Variants in LTA4H observed in about 807,000 individuals in gnomAD.
The protein encoded by LTA4H is leukotriene A4 hydrolase.
In LTA4H, 59 loss-of-function variants were observed where a neutral mutation model predicts 89.8. The observed-to-expected ratio is 0.66, with a 90% confidence interval of 0.53 to 0.82. The LOEUF (loss-of-function observed/expected upper bound fraction) is 0.82, where lower values mean the gene tolerates loss of function less well. Among genes scored for constraint, LTA4H ranks in the 40% least tolerant of loss-of-function variants. LTA4H has a pLI of 0.00. For missense variants in LTA4H, 617 were observed against 727.0 expected (o/e 0.85, Z 1.74); for synonymous variants, 227 against 253.1 (o/e 0.90, Z 0.98).
At chr12:96,001,472 T>C (rs1257285634) in intron 18 of LTA4H, among the ~76,000 whole-genome samples, 1 of 152,132 alleles carries the variant, frequency 6.6e-6, no homozygotes, top group African/African-American at 2.4e-5. Context: ...CCAAGCAGCA[T>C]GGAAGGATTT....
In LTA4H at chr12:96,018,847, C is replaced by G; in HGVS notation, c.768G>C (p.Gln256His). 6.2e-7 allele frequency: 1 copy of G among 1,604,704 alleles called. No individual in the cohort carries two copies. Among genetic ancestry groups the G allele is most frequent in the Non-Finnish European group, 8.5e-7 (1 of 1,177,348 alleles). The change falls in exon 8 of 19, where the codon CAG (glutamine) becomes CAC (histidine). Residue 256 changes from glutamine to histidine, a missense_variant. Coordinates refer to ENST00000228740, the MANE Select transcript of LTA4H (RefSeq NM_000895.3). Reference sequence around the variant, plus strand: ...ATGGTGGCAGGACCAATAGGTCATACTGTCCCCATACATACGGTCCTCCCA... The same window carrying G: ...ATGGTGGCAGGACCAATAGGTCATAGTGTCCCCATACATACGGTCCTCCCA... ...EDLGGPYVWG[Q>H]YDLLVLPPSF...
At chr12:96,019,342 G>T in intron 6 of LTA4H, 102 bp from the exon 7 acceptor site, 1 of 958,366 alleles carries the variant, frequency 1.0e-6, no homozygotes, top group Non-Finnish European at 1.6e-6. Context: ...TACAGTGAGA[G>T]TGCATTTACC....
At chr12:96,038,041 A>G (rs1414991120), upstream of LTA4H, among the ~76,000 whole-genome samples, 1 of 152,166 alleles carries the variant, frequency 6.6e-6, no homozygotes, top group Non-Finnish European at 1.5e-5. Context: ...AAACTTTAAC[A>G]TGTTTAGATA....
chr12:96,033,516 G>A (rs1378969242), intron 1 of LTA4H, among the ~76,000 whole-genome samples: 5 of 152,160 alleles, frequency 3.3e-5, no homozygotes, highest in African/African-American at 4.8e-5. Flanking sequence ...AATGTAGGAC[G>A]TATAAACTCA....
chr12:96,035,858 G>T (rs1289365619), upstream of LTA4H, among the ~76,000 whole-genome samples: 3 of 152,106 alleles, frequency 2.0e-5, no homozygotes, highest in Non-Finnish European at 4.4e-5. Flanking sequence ...GAGAATGGAG[G>T]GGGAGATAAA....
At chr12:96,035,953 C>T (rs1950637951), upstream of LTA4H, among the ~76,000 whole-genome samples, 1 of 152,090 alleles carries the variant, frequency 6.6e-6, no homozygotes, top group South Asian at 2.1e-4. Flanking sequence ...TTGGTGTTTG[C>T]ATATAGCGAG....
intron 16 of LTA4H, 39 bp from the exon 17 acceptor site, chr12:96,003,959 C>T (rs369735924): frequency 5.5e-5 from 71 of 1,285,414 alleles, no homozygotes; most frequent in South Asian, 1.3e-4. Flanking sequence ...ATCATTTCAA[C>T]AGGATTCCTT....
rs201386153 is a variant in LTA4H at position 96,035,557 on chromosome 12, C to G, written c.-38G>C. The G allele has an allele frequency of 2.1e-4, 330 of 1,559,262 alleles. 1 individual carries two copies. The African/African-American group carries it at 3.9e-3, about 18-fold the overall frequency. ...TCACACAGCACAGCGACCTACAGCC[C>G]AACGCTCAGCTACCAGACTCGTCGA... On this transcript the variant is annotated 5_prime_UTR_variant, in exon 1 of 19. Coordinates refer to ENST00000228740, the MANE Select transcript of LTA4H (RefSeq NM_000895.3).
intron 12 of LTA4H, 81 bp from the exon 13 acceptor site, chr12:96,013,934 T>C: frequency 1.5e-6 from 1 of 669,814 alleles, no homozygotes; most frequent in Non-Finnish European, 2.7e-6. Flanking sequence ...CATTGTACTA[T>C]TAACCACAGA....
upstream of LTA4H, among the ~76,000 whole-genome samples, chr12:96,036,082 C>T (rs576766539): frequency 3.9e-5 from 6 of 152,084 alleles, no homozygotes; most frequent in Admixed American, 1.3e-4. Context: ...GTTCGATTCC[C>T]CGACGGGGAG....
chr12:96,018,357 T>G (rs931335812), intron 8 of LTA4H, among the ~76,000 whole-genome samples: 3 of 152,114 alleles, frequency 2.0e-5, no homozygotes, highest in African/African-American at 7.2e-5. Context: ...GAGACTACCC[T>G]GGCCAATATA....
chr12:96,030,133 G>T (rs1482401181), intron 1 of LTA4H, among the ~76,000 whole-genome samples: 1 of 152,096 alleles, frequency 6.6e-6, no homozygotes, highest in Non-Finnish European at 1.5e-5. Context: ...AGCCCTTATG[G>T]ACTATGTCAT....
intron 1 of LTA4H, among the ~76,000 whole-genome samples, chr12:96,033,386 A>G (rs966057174): frequency 1.2e-4 from 18 of 152,190 alleles, no homozygotes; most frequent in African/African-American, 4.3e-4. Context: ...TTTGCTGTTC[A>G]TATATTAGAA....
At chr12:96,033,263 G>A (rs760091435) in intron 1 of LTA4H, among the ~76,000 whole-genome samples, 4 of 152,108 alleles carry the variant, frequency 2.6e-5, no homozygotes, top group Non-Finnish European at 5.9e-5. Context: ...GAACTTTCCA[G>A]TTAACTAAGA....
chr12:96,002,621 A>T (rs1351712832), intron 18 of LTA4H, among the ~76,000 whole-genome samples: 6 of 152,208 alleles, frequency 3.9e-5, no homozygotes, highest in African/African-American at 1.4e-4. Context: ...CCTTACATTT[A>T]ACTTCAGACT....
rs999394489 is a variant in LTA4H, at chr12:96,022,471, A to G, written c.481-220T>C. Among the ~76,000 whole-genome samples, 3 of 152,134 alleles carry G rather than the reference A, an allele frequency of 2.0e-5. No individual in the cohort carries two copies. The highest frequency in any genetic ancestry group is 4.4e-5 in the Non-Finnish European group (3 of 68,022). On this transcript the variant is annotated intron_variant, in intron 4 of 18. Transcript: ENST00000228740. This position sits in a 1 kb window ranked among gnomAD's most constrained non-coding sequence, Gnocchi z 4.0. ...TATATATGCACACATATATATGTGT[A>G]TATATATAAAACACATATACAAAAA... is the stretch of plus-strand genomic sequence containing the variant.
intron 16 of LTA4H, among the ~76,000 whole-genome samples, chr12:96,004,532 T>A (rs138002042): frequency 6.4e-4 from 97 of 152,236 alleles, no homozygotes; most frequent in African/African-American, 2.3e-3. Flanking sequence ...CTACCTTAAC[T>A]CACCCTAAAA....
intron 4 of LTA4H, among the ~76,000 whole-genome samples, chr12:96,024,149 G>T (rs181492173): frequency 6.6e-6 from 1 of 152,138 alleles, no homozygotes; most frequent in Admixed American, 6.5e-5. Context: ...AGCCAGGATG[G>T]TCTCGATCTC....
chr12:96,040,817 T>C (rs1198084169), intron 1 of LTA4H, among the ~76,000 whole-genome samples: 1 of 152,244 alleles, frequency 6.6e-6, no homozygotes, highest in African/African-American at 2.4e-5. Flanking sequence ...AACTCAATCT[T>C]TACTAAGACT....
Sources: gnomAD v4.1 joint callset for allele counts (sites outside exome capture counted in the v4.1 genomes callset) on GRCh38, gnomAD v4.1.1 for gene constraint, Gnocchi (gnomAD v3.1) non-coding constraint, MANE v1.5 for transcripts, NCBI Gene and HGNC (gene_info 2026-07-23, HGNC 2026-07-21) for gene names.